MYO5B: variants seen among roughly 807,000 people sequenced by gnomAD.
The protein encoded by MYO5B is myosin VB, also known as unconventional myosin-Vb.
Under a neutral mutation model 229.3 loss-of-function variants are expected in MYO5B, and 143 were observed. The ratio of observed to expected loss-of-function variants is 0.62; its 90% CI spans 0.54 to 0.72. The LOEUF (loss-of-function observed/expected upper bound fraction) is 0.72. Among genes scored for constraint, MYO5B ranks in the 30% least tolerant of loss-of-function variants. The pLI is 0.00. For synonymous variants in MYO5B, 918 were observed against 885.2 expected, an observed-to-expected ratio of 1.04 and a Z score of -0.66; for missense variants, 2,321 against 2,331.0, an observed-to-expected ratio of 1.00 and a Z score of 0.09.
intron 14 of MYO5B, among the ~76,000 whole-genome samples, chr18:49,948,749 AGCTGAAGTCAAGCC>A (rs1169464558): frequency 6.6e-6 from 1 of 151,872 alleles, no homozygotes; most frequent in Non-Finnish European, 1.5e-5. Flanking sequence ...TTCCTTGACA[AGCTGAAGTCAAGCC>A]ATAAGCAGCA....
chr18:50,032,348 C>T lies in MYO5B; in HGVS notation c.455+4502G>A, dbSNP rs538755613. 9.8e-5 allele frequency among the ~76,000 whole-genome samples: 15 copies of T among 152,326 alleles called. No homozygotes were observed. The South Asian group carries it at 2.9e-3, about 29-fold the overall frequency. On this transcript the variant is annotated intron_variant, in intron 4 of 39. Coordinates refer to ENST00000285039, the MANE Select transcript of MYO5B (RefSeq NM_001080467.3). ...ACAACCACCCCCCAAAAAAACATAA[C>T]TCTCAGAAATCATGCTTCATTTTGC...
chr18:50,111,075 G>A (rs949705004), intron 1 of MYO5B, among the ~76,000 whole-genome samples: 8 of 152,142 alleles, frequency 5.3e-5, no homozygotes, highest in African/African-American at 1.9e-4. Flanking sequence ...TTCTTTGGTG[G>A]AGACTATATT....
At chr18:50,016,776 C>A (rs73959842) in intron 4 of MYO5B, among the ~76,000 whole-genome samples, 1 of 151,956 alleles carries the variant, frequency 6.6e-6, no homozygotes, top group African/African-American at 2.4e-5. Flanking sequence ...AGAAACCCCA[C>A]ACCCATTACC....
chr18:49,999,539 T>C (rs2026024076), intron 5 of MYO5B, among the ~76,000 whole-genome samples: 1 of 152,242 alleles, frequency 6.6e-6, no homozygotes, highest in Admixed American at 6.5e-5. Flanking sequence ...TCATAAAAAG[T>C]TGAATGATAT....
chr18:50,061,974 G>C (rs886220386), intron 1 of MYO5B, among the ~76,000 whole-genome samples: 1 of 152,182 alleles, frequency 6.6e-6, no homozygotes, highest in African/African-American at 2.4e-5. Context: ...AGAAACCTGA[G>C]GGTTAAAAGT....
intron 5 of MYO5B, among the ~76,000 whole-genome samples, chr18:49,997,797 C>T (rs2026005499): frequency 6.6e-6 from 1 of 152,114 alleles, no homozygotes; most frequent in Non-Finnish European, 1.5e-5. Context: ...CTCCTCAGAC[C>T]TTCAACTCTA....
intron 1 of MYO5B, among the ~76,000 whole-genome samples, chr18:50,104,679 T>C (rs891899059): frequency 8.5e-5 from 13 of 152,196 alleles, no homozygotes; most frequent in African/African-American, 3.1e-4. Context: ...TTTCAGACCA[T>C]GCGCTCTTAC....
chr18:49,999,737 C>G (rs574651970), intron 5 of MYO5B, among the ~76,000 whole-genome samples: 1 of 152,316 alleles, frequency 6.6e-6, no homozygotes, highest in Non-Finnish European at 1.5e-5. Flanking sequence ...CCCAGACGGG[C>G]AACACCAGCA....
chr18:49,863,745 C>T (rs1214839733), intron 28 of MYO5B, among the ~76,000 whole-genome samples: 2 of 152,178 alleles, frequency 1.3e-5, no homozygotes, highest in African/African-American at 4.8e-5. Context: ...CTGTCCCCAC[C>T]CTCTGGCTCT....
chr18:49,879,031 G>T lies in MYO5B; in HGVS notation c.3190C>A (p.Arg1064=), dbSNP rs752799569. 1.2e-6 allele frequency: 2 copies of T among 1,604,524 alleles called. No individual in the cohort carries two copies. Among genetic ancestry groups the T allele is most frequent in the African/African-American group, 2.8e-5 (2 of 71,426 alleles). Reference sequence around the variant, plus strand: ...TTCACAAGGTTCTGGTACCGGGATCGCTCCTCCTCCAGTTCTTTCTTCATG... The same window carrying T: ...TTCACAAGGTTCTGGTACCGGGATCTCTCCTCCTCCAGTTCTTTCTTCATG... ...NLMKKELEEE[R]SRYQNLVKEY... Residue 1064 remains arginine (R), a synonymous_variant, in exon 24 of 40, where the codon CGA becomes AGA. Transcript: ENST00000285039.
intron 22 of MYO5B, among the ~76,000 whole-genome samples, chr18:49,882,712 A>G (rs559906973): frequency 1.6e-4 from 24 of 151,642 alleles, no homozygotes; most frequent in South Asian, 6.3e-4. Flanking sequence ...ACCAAGCAGA[A>G]GTCACTGCAT....
chr18:49,891,467 C>T (rs1251478502), intron 22 of MYO5B, among the ~76,000 whole-genome samples: 1 of 152,180 alleles, frequency 6.6e-6, no homozygotes, highest in African/African-American at 2.4e-5. Context: ...TTTTTTCAAA[C>T]ACCATTCACC....
rs557378100 is a variant in MYO5B, at chr18:49,886,975, C to T, written c.3046-6520G>A. Among the ~76,000 whole-genome samples the T allele has an allele frequency of 6.8e-4, 103 of 152,232 alleles. 1 individual carries two copies. The highest frequency in any genetic ancestry group is 1.2e-3 in the Non-Finnish European group (80 of 68,020). On this transcript the variant is annotated intron_variant, in intron 22 of 39. Coordinates refer to ENST00000285039, the MANE Select transcript of MYO5B (RefSeq NM_001080467.3). ...TTGGACGTTCATTTCCTCCAAATCT[C>T]GTGTTGAAATGTGATTCCTAATGTT...
chr18:50,036,853 G>A lies in MYO5B; in HGVS notation c.452C>T (p.Ala151Val), dbSNP rs1598969973. The A allele has an allele frequency of 3.7e-6, 6 of 1,613,868 alleles. No homozygotes were observed. The African/African-American group carries it at 6.7e-5, about 18-fold the overall frequency. Residue 151 changes from alanine to valine, a missense_variant, in exon 4 of 40, where the codon GCC (alanine) becomes GTC (valine). Coordinates refer to ENST00000285039, the MANE Select transcript of MYO5B (RefSeq NM_001080467.3). ...TCTGGGCTGAGGACATTCTCACCTG[G>A]CCATCTGCTTGTAGGCTTCTTCTGC... is the stretch of plus-strand genomic sequence containing the variant. ...AVAEEAYKQM[A>V]RDEKNQSIIV...
In MYO5B at chr18:49,877,877, A is replaced by G; in HGVS notation, c.3282T>C (p.Thr1094=). ...LRDEMTIIKQ[T]PGHRRNPSNQ... The stretch of plus-strand genomic sequence containing the variant: ...TTGATGGGTTCCGCCTATGACCTGG[A>G]GTTTGCTGTTCAACAAGAAAAACGT... Residue 1094 remains threonine (T), a synonymous_variant, in exon 25 of 40, where the codon ACT becomes ACC. Transcript: ENST00000285039. The G allele has an allele frequency of 1.2e-6, 2 of 1,614,084 alleles. No individual in the cohort carries two copies. Among genetic ancestry groups the G allele is most frequent in the Non-Finnish European group, 1.7e-6 (2 of 1,179,962 alleles).
At chr18:49,943,001 GTGGCACA>G (rs1390184866) in intron 14 of MYO5B, among the ~76,000 whole-genome samples, 1 of 152,052 alleles carries the variant, frequency 6.6e-6, no homozygotes, top group African/African-American at 2.4e-5. Flanking sequence ...TTAAGAAAAT[GTGGCACA>G]TATACACCAT....
At position 49,824,955 on chromosome 18, in the gene MYO5B, G is replaced by A. The variant is rs1452499581; in HGVS notation, c.*1516C>T. ...AACAACTGAGGAAGCTGTGCTCTAA[G>A]GGCACAGTGCAGAAGGTAGCGTGGA... On this transcript the variant is annotated 3_prime_UTR_variant, in exon 40 of 40. Coordinates refer to ENST00000285039, the MANE Select transcript of MYO5B (RefSeq NM_001080467.3). The A allele has an allele frequency of 6.6e-6, 1 of 152,220 alleles. No homozygotes were observed. The highest frequency in any genetic ancestry group is 6.5e-5 in the Admixed American group (1 of 15,276). 9.4% of individuals were successfully genotyped at this position (152,220 alleles called of 1,614,324 possible). A position where few individuals can be genotyped will look rare whatever the true frequency, so the allele number is the denominator to read the frequency against.
Position 49,856,882 on chromosome 18 carries a change from T to G in MYO5B, c.3953A>C (p.Glu1318Ala). ...ATCTTCATTTAAATATCCCCAATCCTCAGTCTTGCTAGAAACAAAGGACAG... is the reference window on the plus strand; with the variant it reads ...ATCTTCATTTAAATATCCCCAATCCGCAGTCTTGCTAGAAACAAAGGACAG... ...HGVCQTNSKT[E>A]DWGYLNEDGE... The change falls in exon 30 of 40, where the codon GAG (glutamate) becomes GCG (alanine). Residue 1318 changes from glutamate (E) to alanine (A), a missense_variant. Around this residue, in one of 2 missense-constraint regions of MYO5B, gnomAD observed 2,113 missense variants for 2,044.7 expected, o/e 1.03. Coordinates refer to ENST00000285039, the MANE Select transcript of MYO5B (RefSeq NM_001080467.3). The G allele has an allele frequency of 6.2e-7, 1 of 1,613,940 alleles. No individual in the cohort carries two copies. Among genetic ancestry groups the G allele is most frequent in the Non-Finnish European group, 8.5e-7 (1 of 1,179,832 alleles).
intron 2 of MYO5B, 147 bp downstream of exon 2, chr18:50,055,121 T>C (rs764459550): frequency 1.5e-6 from 1 of 655,198 alleles, no homozygotes; most frequent in Non-Finnish European, 2.7e-6. Flanking sequence ...CATACATCAA[T>C]AGCAACAAGA....
Sources: gnomAD v4.1 joint callset for allele counts (sites outside exome capture counted in the v4.1 genomes callset) on GRCh38, gnomAD v4.1.1 for gene constraint, gnomAD v4.1.1 regional missense constraint, MANE v1.5 for transcripts, NCBI Gene and HGNC (gene_info 2026-07-23, HGNC 2026-07-21) for gene names.